The following TTC28 variants were observed in gnomAD, a reference collection of about 807,000 sequenced individuals.
TTC28 encodes the protein tetratricopeptide repeat protein 28.
A neutral mutation model predicts 198.0 loss-of-function variants in TTC28; 61 were observed. The observed-to-expected ratio is 0.31, with a 90% CI of 0.25 to 0.38. TTC28 has a LOEUF of 0.38. TTC28 is among the 10% of genes least tolerant of loss of function. The pLI is 1.00. For missense variants in TTC28, 2,678 were observed against 3,164.0 expected (o/e 0.85, Z 3.69); for synonymous variants, 1,171 against 1,297.8 (o/e 0.90, Z 2.10).
chr22:28,035,100 C>G (rs903271530), intron 12 of TTC28, among the ~76,000 whole-genome samples: 1 of 152,156 alleles, frequency 6.6e-6, no homozygotes, highest in Non-Finnish European at 1.5e-5. Flanking sequence ...CTGCCATTCC[C>G]CTGACAGTTG....
In TTC28 at chr22:28,486,778, TCCATTTTCA is replaced by T. The variant is rs1484907076; in HGVS notation, c.381+142765_381+142773del. Among the ~76,000 whole-genome samples the T allele has an allele frequency of 2.0e-5, 3 of 152,130 alleles. No individual in the cohort carries two copies. The East Asian group carries it at 5.8e-4, about 29-fold the overall frequency. Reference sequence around the variant, plus strand: ...TGCCCCACATTTAATCTCTTGCAACTCCATTTTCACGTAGGTACAAAATGAAGGATACAA... The same window carrying T: ...TGCCCCACATTTAATCTCTTGCAACTCGTAGGTACAAAATGAAGGATACAA... On this transcript the variant is annotated intron_variant, in intron 2 of 22. Coordinates refer to ENST00000397906, the MANE Select transcript of TTC28 (RefSeq NM_001145418.2).
chr22:28,141,285 T>C (rs6005723), intron 6 of TTC28, among the ~76,000 whole-genome samples: 93 of 152,310 alleles, frequency 6.1e-4, no homozygotes, highest in African/African-American at 2.1e-3. Context: ...CTGGCTTTAG[T>C]TTCCTTCATA....
At chr22:28,398,405 G>C (rs2046850302) in intron 2 of TTC28, among the ~76,000 whole-genome samples, 1 of 152,026 alleles carries the variant, frequency 6.6e-6, no homozygotes, top group Admixed American at 6.6e-5. Flanking sequence ...AGAAGAGGAG[G>C]GGCAAGAAAA....
intron 1 of TTC28, among the ~76,000 whole-genome samples, chr22:28,672,475 T>C (rs753363136): frequency 3.3e-5 from 5 of 152,152 alleles, no homozygotes; most frequent in Non-Finnish European, 7.4e-5. Context: ...CAATTTTTTG[T>C]ATTTTTATTA....
chr22:28,091,504 T>G (rs1361845151), intron 12 of TTC28, among the ~76,000 whole-genome samples: 1 of 152,096 alleles, frequency 6.6e-6, no homozygotes, highest in African/African-American at 2.4e-5. Flanking sequence ...AGTACCTTTA[T>G]AATCTTGGTG....
chr22:28,222,181 G>GA (rs907805805), intron 5 of TTC28, among the ~76,000 whole-genome samples: 7 of 152,144 alleles, frequency 4.6e-5, no homozygotes, highest in Non-Finnish European at 7.4e-5. Flanking sequence ...ACAGAGGGCT[G>GA]AAAAAACAGC....
chr22:28,598,509 CAAAAAAAAA>C (rs36035176), intron 2 of TTC28, among the ~76,000 whole-genome samples: 104 of 52,682 alleles, frequency 2.0e-3, no homozygotes, highest in Non-Finnish European at 2.4e-3. Context: ...ACTACGTCTC[CAAAAAAAAA>C]AAAAAAAAAA....
At chr22:28,663,071 A>AC (rs2051774439) in intron 1 of TTC28, among the ~76,000 whole-genome samples, 3 of 151,852 alleles carry the variant, frequency 2.0e-5, no homozygotes, top group African/African-American at 4.8e-5. Flanking sequence ...ACACAGTGAA[A>AC]CCCCGTCTGT....
At position 28,306,634 on chromosome 22, in the gene TTC28, G is replaced by A. The variant is rs943964110; in HGVS notation, c.391C>T (p.Arg131Ter). The A allele has an allele frequency of 1.3e-6, 2 of 1,551,400 alleles. No homozygotes were observed. The highest frequency in any genetic ancestry group is 2.4e-5 in the East Asian group (1 of 40,902). Reference protein sequence around the residue: ...LNPKWPKAYFRQGVALQYLGR... With the variant: ...LNPKWPKAYF Reference sequence around the variant, plus strand: ...AGGTACTGGAGGGCAACACCCTGTCGGAAGTATGCCTAGAAATAAAAGATA... The same window carrying A: ...AGGTACTGGAGGGCAACACCCTGTCAGAAGTATGCCTAGAAATAAAAGATA... Residue 131 changes from arginine to a stop codon, truncating the protein, a stop_gained, in exon 3 of 23, where the codon CGA becomes TGA. Coordinates refer to ENST00000397906, the MANE Select transcript of TTC28 (RefSeq NM_001145418.2). LOFTEE classifies it high-confidence loss of function.
In TTC28 at chr22:27,982,007, C is replaced by CATTAAA; in HGVS notation, c.*213_*214insTTTAAT. The CATTAAA allele has an allele frequency of 2.1e-6, 1 of 472,010 alleles. No individual in the cohort carries two copies. The highest frequency in any genetic ancestry group is 3.7e-6 in the Non-Finnish European group (1 of 271,560). The allele number at this position is 472,010 out of a possible 1,614,324, so 29.2% of individuals were successfully genotyped here. On this transcript the variant is annotated 3_prime_UTR_variant, in exon 23 of 23. Coordinates refer to ENST00000397906, the MANE Select transcript of TTC28 (RefSeq NM_001145418.2). The surrounding 1 kb of genome is among the most constrained non-coding windows in gnomAD (Gnocchi z 5.2). ...AGGAAATTCCATGAGCCTCCTGTAC[C>CATTAAA]AGCCCCACAGAAGTCCTGGCTTTTG...
intron 2 of TTC28, among the ~76,000 whole-genome samples, chr22:28,366,172 C>A (rs1475919101): frequency 6.6e-6 from 1 of 152,086 alleles, no homozygotes; most frequent in South Asian, 2.1e-4. Context: ...AGAAACAAGG[C>A]CAAATTTCAA....
intron 2 of TTC28, among the ~76,000 whole-genome samples, chr22:28,342,263 A>T (rs1373968666): frequency 8.5e-5 from 13 of 152,224 alleles, no homozygotes; most frequent in Admixed American, 8.5e-4. Context: ...ATTCAGACTC[A>T]AATACTTTAT....
intron 2 of TTC28, among the ~76,000 whole-genome samples, chr22:28,520,333 T>C (rs1197012805): frequency 6.6e-6 from 1 of 152,224 alleles, no homozygotes; most frequent in African/African-American, 2.4e-5. Flanking sequence ...ACACATCTTA[T>C]GAATCTCCAA....
intron 6 of TTC28, among the ~76,000 whole-genome samples, chr22:28,133,135 A>T (rs1436548687): frequency 6.6e-6 from 1 of 152,262 alleles, no homozygotes; most frequent in East Asian, 1.9e-4. Flanking sequence ...AGGCAGGAGA[A>T]TCGCTTGAAA....
At chr22:28,356,058 G>T (rs2046073361) in intron 2 of TTC28, among the ~76,000 whole-genome samples, 1 of 152,210 alleles carries the variant, frequency 6.6e-6, no homozygotes, top group South Asian at 2.1e-4. Context: ...TGATATGATA[G>T]ATTTTCAGTA....
chr22:28,090,094 T>C (rs567713030), intron 12 of TTC28, among the ~76,000 whole-genome samples: 3 of 151,854 alleles, frequency 2.0e-5, no homozygotes, highest in African/African-American at 7.3e-5. Context: ...TGCACATGTA[T>C]CCTAAAAGTT....
At chr22:28,063,945 G>T (rs1041223669) in intron 12 of TTC28, among the ~76,000 whole-genome samples, 1 of 152,136 alleles carries the variant, frequency 6.6e-6, no homozygotes, top group Non-Finnish European at 1.5e-5. Flanking sequence ...TTTAACTGGG[G>T]GAGTCACAGG....
At chr22:28,438,808 G>T (rs1422734066) in intron 2 of TTC28, among the ~76,000 whole-genome samples, 1 of 152,188 alleles carries the variant, frequency 6.6e-6, no homozygotes, top group Non-Finnish European at 1.5e-5. Context: ...GGTAAAAACG[G>T]GAAAGTATAT....
intron 2 of TTC28, among the ~76,000 whole-genome samples, chr22:28,562,184 A>C (rs540806354): frequency 6.6e-6 from 1 of 152,220 alleles, no homozygotes; most frequent in Non-Finnish European, 1.5e-5. Flanking sequence ...GGAAAACAAA[A>C]TTATGTAGTA....
Sources: gnomAD v4.1 joint callset for allele counts (sites outside exome capture counted in the v4.1 genomes callset) on GRCh38, gnomAD v4.1.1 for gene constraint, Gnocchi (gnomAD v3.1) non-coding constraint, MANE v1.5 for transcripts, NCBI Gene and HGNC (gene_info 2026-07-23, HGNC 2026-07-21) for gene names.